TRDMT1: variants seen among roughly 807,000 people sequenced by gnomAD.
The protein encoded by TRDMT1 is tRNA (cytosine(38)-C(5))-methyltransferase.
TRDMT1 carries 49 observed loss-of-function variants against 51.2 expected under a neutral mutation model. That is an observed-to-expected ratio of 0.96 (90% CI 0.76 to 1.21). TRDMT1 has a LOEUF of 1.21. TRDMT1 is among the 50% of genes most tolerant of loss of function. TRDMT1 has a pLI of 0.00. For missense variants in TRDMT1, 534 were observed against 462.3 expected, an observed-to-expected ratio of 1.16 and a Z score of -1.42; for synonymous variants, 187 against 164.6, an observed-to-expected ratio of 1.14 and a Z score of -1.04.
intron 10 of TRDMT1, chr10:17,151,689 T>G (rs1163985867): frequency 3.3e-6 from 3 of 917,450 alleles, no homozygotes; most frequent in African/African-American, 3.6e-5. Context: ...TTCACCAACT[T>G]AAAATTTTAA....
intron 1 of TRDMT1, among the ~76,000 whole-genome samples, chr10:17,199,665 A>G (rs1394958353): frequency 1.3e-5 from 2 of 152,204 alleles, no homozygotes; most frequent in Non-Finnish European, 2.9e-5. Context: ...TACAATCTCA[A>G]AAGCAACCAT....
In TRDMT1 at chr10:17,149,006, T is replaced by A; in HGVS notation, c.*34A>T. The A allele has an allele frequency of 6.5e-7, 1 of 1,544,656 alleles. No individual in the cohort carries two copies. ...GAATTACTCTCTGAAAATGAAGGAA[T>A]ATCATATGACCATCTTTCAGAGTTA... On this transcript the variant is annotated 3_prime_UTR_variant, in exon 11 of 11. Coordinates refer to ENST00000377799, the MANE Select transcript of TRDMT1 (RefSeq NM_004412.7).
intron 5 of TRDMT1, 140 bp from the exon 6 acceptor site, chr10:17,160,514 C>G (rs761119825): frequency 1.7e-5 from 8 of 461,006 alleles, no homozygotes; most frequent in Non-Finnish European, 2.9e-5. Flanking sequence ...CTCTGTTGCC[C>G]AGGCTGGAAT....
intron 3 of TRDMT1, 72 bp from the exon 4 acceptor site, chr10:17,162,309 C>G: frequency 7.2e-7 from 1 of 1,386,730 alleles, no homozygotes. Flanking sequence ...AAAAAGATGT[C>G]AAATCACTTT....
chr10:17,156,903 G>A (rs1375638951), intron 8 of TRDMT1, among the ~76,000 whole-genome samples: 1 of 151,986 alleles, frequency 6.6e-6, no homozygotes, highest in East Asian at 1.9e-4. Context: ...AGAACTGAAT[G>A]GTCAAGAGAC....
intron 1 of TRDMT1, among the ~76,000 whole-genome samples, chr10:17,197,878 C>T (rs1845659337): frequency 6.6e-6 from 1 of 151,860 alleles, no homozygotes; most frequent in Non-Finnish European, 1.5e-5. Flanking sequence ...ACTAAAAATA[C>T]AAAAAATTAG....
chr10:17,179,525 TA>T (rs1366290673), intron 1 of TRDMT1, among the ~76,000 whole-genome samples: 5 of 151,916 alleles, frequency 3.3e-5, no homozygotes, highest in Non-Finnish European at 5.9e-5. Flanking sequence ...ATTAAATAGA[TA>T]AAATAATAAT....
At chr10:17,169,633 A>ACC (rs1841700416) in intron 2 of TRDMT1, 6 of 802,302 alleles carry the variant, frequency 7.5e-6, no homozygotes, top group South Asian at 7.2e-5. Flanking sequence ...CTAGAAACTT[A>ACC]AAGAAATGAG....
At chr10:17,153,677 A>C in intron 9 of TRDMT1, 41 bp from the exon 10 acceptor site, 1 of 1,524,092 alleles carries the variant, frequency 6.6e-7, no homozygotes, top group Non-Finnish European at 8.8e-7. Flanking sequence ...AGTAATGTGC[A>C]ACTAGATTTA....
Position 17,168,841 on chromosome 10 carries a change from C to T in TRDMT1, c.251G>A (p.Arg84Lys). The T allele has an allele frequency of 6.2e-7, 1 of 1,605,454 alleles. No individual in the cohort carries two copies. Among genetic ancestry groups the T allele is most frequent in the Non-Finnish European group, 8.5e-7 (1 of 1,173,226 alleles). ...ACACTGAAATATTTATGACACATAC[C>T]TTGTGAATGGCTGGCAGGGAGGGCT... is the stretch of plus-strand genomic sequence containing the variant. ...LMSPPCQPFT[R>K]IGRQGDMTDS... The change falls in exon 3 of 11, where the codon AGG becomes AAG. Residue 84 changes from arginine to lysine, a missense_variant and splice_region_variant. Transcript: ENST00000377799.
intron 10 of TRDMT1, chr10:17,151,642 T>C (rs1564554052): frequency 2.1e-6 from 2 of 970,814 alleles, no homozygotes; most frequent in Non-Finnish European, 1.2e-6. Context: ...TTCTAAGTAT[T>C]ATACATATAT....
chr10:17,163,323 T>G (rs1048272034), intron 3 of TRDMT1, among the ~76,000 whole-genome samples: 9 of 152,012 alleles, frequency 5.9e-5, no homozygotes, highest in Non-Finnish European at 7.3e-5. Context: ...AAATGAAGAC[T>G]TGAATTGAGC....
At chr10:17,156,625 G>A (rs1408929128) in intron 8 of TRDMT1, among the ~76,000 whole-genome samples, 1 of 152,046 alleles carries the variant, frequency 6.6e-6, no homozygotes, top group Non-Finnish European at 1.5e-5. Flanking sequence ...ATAACCCAAA[G>A]GAAGCCCTCT....
At chr10:17,179,352 G>C (rs1292297725) in intron 1 of TRDMT1, among the ~76,000 whole-genome samples, 2 of 152,014 alleles carry the variant, frequency 1.3e-5, no homozygotes, top group Non-Finnish European at 2.9e-5. Context: ...AGGCCACATA[G>C]CCCAGCATTA....
At chr10:17,191,120 A>C (rs1255936094) in intron 1 of TRDMT1, among the ~76,000 whole-genome samples, 1 of 152,132 alleles carries the variant, frequency 6.6e-6, no homozygotes, top group South Asian at 2.1e-4. Context: ...TTGTAGGAAG[A>C]ACAACCAGGA....
At chr10:17,168,316 A>G (rs1334691155) in intron 3 of TRDMT1, among the ~76,000 whole-genome samples, 1 of 152,196 alleles carries the variant, frequency 6.6e-6, no homozygotes, top group African/African-American at 2.4e-5. Flanking sequence ...AATTATTATT[A>G]TTTAAAAATA....
At chr10:17,172,018 T>C (rs1842097386) in intron 2 of TRDMT1, 1 of 167,000 alleles carries the variant, frequency 6.0e-6, no homozygotes. Context: ...TACTCTACAG[T>C]ATGTAACTGG....
intron 1 of TRDMT1, among the ~76,000 whole-genome samples, chr10:17,186,655 T>C (rs1417465567): frequency 6.6e-6 from 1 of 151,992 alleles, no homozygotes; most frequent in African/African-American, 2.4e-5. Context: ...ACTAAGTTTA[T>C]GTTTGTTACA....
intron 3 of TRDMT1, among the ~76,000 whole-genome samples, chr10:17,167,166 A>G (rs978909664): frequency 6.6e-6 from 1 of 152,226 alleles, no homozygotes; most frequent in African/African-American, 2.4e-5. Flanking sequence ...TACAGCATCA[A>G]AAATAATGCC....
Sources: allele counts gnomAD v4.1 joint callset (sites outside exome capture counted in the v4.1 genomes callset), GRCh38; gene constraint gnomAD v4.1.1; transcripts MANE v1.5; gene names NCBI Gene and HGNC (gene_info 2026-07-23, HGNC 2026-07-21).